ITGAE: variants seen among roughly 807,000 people sequenced by gnomAD.
ITGAE encodes the protein integrin subunit alpha E.
Under a neutral mutation model 136.5 loss-of-function variants are expected in ITGAE, and 99 were observed. The observed-to-expected ratio is 0.73, with a 90% CI of 0.62 to 0.86. The LOEUF is 0.86. ITGAE is among the 40% of genes least tolerant of loss of function. The pLI is 0.00. For synonymous variants in ITGAE, 613 were observed against 591.8 expected (o/e 1.04, Z -0.52); for missense variants, 1,447 against 1,515.3 (o/e 0.95, Z 0.75).
At chr17:3,723,850 G>C in intron 26 of ITGAE, 106 bp from the exon 27 acceptor site, 1 of 1,525,998 alleles carries the variant, frequency 6.6e-7, no homozygotes, top group Non-Finnish European at 8.8e-7. Flanking sequence ...AGGGCCGGGA[G>C]CTAGGACCCC....
In ITGAE at chr17:3,732,366, A is replaced by T; in HGVS notation, c.2754+2T>A. Reference sequence around the variant, plus strand: ...AGAGCGAATCAGTCCAAACCGACTCACAGATGACCTCTTGAGGACGGGGTG... The same window carrying T: ...AGAGCGAATCAGTCCAAACCGACTCTCAGATGACCTCTTGAGGACGGGGTG... On this transcript the variant is annotated splice_donor_variant, in intron 22 of 30. Coordinates refer to ENST00000263087, the MANE Select transcript of ITGAE (RefSeq NM_002208.5). LOFTEE classifies it high-confidence loss of function. 6.2e-7 allele frequency: 1 copy of T among 1,612,014 alleles called. No individual in the cohort carries two copies. Among genetic ancestry groups the T allele is most frequent in the Non-Finnish European group, 8.5e-7 (1 of 1,178,086 alleles).
chr17:3,765,769 G>A (rs947160504), intron 2 of ITGAE, among the ~76,000 whole-genome samples: 12 of 152,056 alleles, frequency 7.9e-5, no homozygotes, highest in African/African-American at 2.7e-4. Flanking sequence ...TCAAGGCTTC[G>A]CTGGTGCCTT....
chr17:3,716,265 A>G (rs2050942330), intron 30 of ITGAE, among the ~76,000 whole-genome samples: 1 of 124,898 alleles, frequency 8.0e-6, no homozygotes, highest in South Asian at 3.4e-4. Context: ...GAGTTTGCAC[A>G]TTAAGACAGG....
intron 8 of ITGAE, among the ~76,000 whole-genome samples, chr17:3,759,030 C>G (rs1417321548): frequency 6.6e-6 from 1 of 150,702 alleles, no homozygotes; most frequent in South Asian, 2.1e-4. Context: ...GAGGCTGAGG[C>G]AGGAGAATGG....
intron 1 of ITGAE, among the ~76,000 whole-genome samples, chr17:3,793,681 T>TGGGACTACAGGCACATGCC (rs1312099855): frequency 6.6e-6 from 1 of 152,200 alleles, no homozygotes; most frequent in African/African-American, 2.4e-5. Flanking sequence ...CTGGAGTAGC[T>TGGGACTACAGGCACATGCC]GGGACTACAG....
At chr17:3,723,979 C>T (rs924639399) in intron 26 of ITGAE, 3 of 1,592,166 alleles carry the variant, frequency 1.9e-6, no homozygotes, top group African/African-American at 1.3e-5. Context: ...CTTTTCCGCA[C>T]ATATGGGGCT....
At chr17:3,782,189 C>T (rs1056866060) in intron 1 of ITGAE, among the ~76,000 whole-genome samples, 6 of 145,162 alleles carry the variant, frequency 4.1e-5, no homozygotes, top group Admixed American at 7.3e-5. Context: ...AAGGGAGAAT[C>T]GCTTGAACCT....
rs1418832798 is a variant in ITGAE, at chr17:3,761,143, A to T, written c.468T>A (p.Thr156=). 1.2e-6 allele frequency: 2 copies of T among 1,613,074 alleles called. No individual in the cohort carries two copies. The highest frequency in any genetic ancestry group is 1.7e-5 in the Admixed American group (1 of 59,914). The change falls in exon 6 of 31, where the codon ACT becomes ACA. Residue 156 remains threonine, a synonymous_variant. Coordinates refer to ENST00000263087, the MANE Select transcript of ITGAE (RefSeq NM_002208.5). ...NLLDPDARVD[T]GDCYSNKEGG... is the part of the protein sequence containing the mutation. ...CTTCTTTGTTGCTGTAGCAGTCTCC[A>T]GTGTCCACACGTGCATCTGGATCCA... is the stretch of plus-strand genomic sequence containing the variant.
intron 26 of ITGAE, chr17:3,724,985 C>G (rs377252855): frequency 6.2e-7 from 1 of 1,614,144 alleles, no homozygotes; most frequent in African/African-American, 1.3e-5. Flanking sequence ...AAACCTCTCT[C>G]CTCCATTCCC....
intron 15 of ITGAE, among the ~76,000 whole-genome samples, 178 bp from the exon 16 acceptor site, chr17:3,750,660 C>A (rs905204858): frequency 9.2e-5 from 14 of 152,048 alleles, no homozygotes; most frequent in Middle Eastern, 3.2e-3. Context: ...TTGGATGGAG[C>A]CTCGAAGGGC....
At chr17:3,750,571 G>T (rs768374371) in intron 15 of ITGAE, 89 bp from the exon 16 acceptor site, 266 of 1,483,500 alleles carry the variant, frequency 1.8e-4, no homozygotes, top group Non-Finnish European at 2.3e-4. Flanking sequence ...GATCAGCATC[G>T]CAGGCACCAT....
At chr17:3,733,281 G>C (rs1183152) in intron 21 of ITGAE, among the ~76,000 whole-genome samples, 1 of 151,838 alleles carries the variant, frequency 6.6e-6, no homozygotes, top group African/African-American at 2.4e-5. Flanking sequence ...CACGGTGCCC[G>C]GCCTAGGAGA....
intron 29 of ITGAE, chr17:3,718,042 T>A (rs895549227): frequency 1.3e-5 from 2 of 152,236 alleles, no homozygotes; most frequent in Non-Finnish European, 2.9e-5. Context: ...GCCCCAAAGA[T>A]GCCCAAGTAG....
At position 3,759,503 on chromosome 17, in the gene ITGAE, G is replaced by C; in HGVS notation, c.765C>G (p.Asp255Glu). ...QYGGVIQTEFDLRDSQDVMAS... is the reference protein window; with the variant it reads ...QYGGVIQTEFELRDSQDVMAS... Reference sequence around the variant, plus strand: ...CCATCACATCCTGGCTGTCCCGAAGGTCAAACTCAGTCTGGATCACTCCTC... The same window carrying C: ...CCATCACATCCTGGCTGTCCCGAAGCTCAAACTCAGTCTGGATCACTCCTC... The change falls in exon 8 of 31, where the codon GAC becomes GAG. Residue 255 changes from aspartate to glutamate, a missense_variant. By Grantham distance (45) the Asp-to-Glu change is conservative (BLOSUM62 2). This residue lies in a region of ITGAE where 310 missense variants were observed against 416.1 expected (regional missense o/e 0.74). Transcript: ENST00000263087. The C allele has an allele frequency of 1.2e-6, 2 of 1,614,210 alleles. No individual in the cohort carries two copies. Among genetic ancestry groups the C allele is most frequent in the Non-Finnish European group, 1.7e-6 (2 of 1,180,030 alleles).
chr17:3,718,619 C>G (rs907315216), intron 29 of ITGAE, among the ~76,000 whole-genome samples: 7 of 152,200 alleles, frequency 4.6e-5, no homozygotes, highest in African/African-American at 1.7e-4. Flanking sequence ...CTACTTAACA[C>G]TTTGCTTAGG....
chr17:3,751,964 G>C, intron 14 of ITGAE, 90 bp from the exon 15 acceptor site: 2 of 1,146,036 alleles, frequency 1.7e-6, no homozygotes, highest in Non-Finnish European at 2.6e-6. Flanking sequence ...TGGGCCGGTG[G>C]GTGCCCACTC....
intron 8 of ITGAE, among the ~76,000 whole-genome samples, chr17:3,759,161 T>A (rs574819408): frequency 6.6e-6 from 1 of 150,398 alleles, no homozygotes; most frequent in Admixed American, 6.6e-5. Flanking sequence ...AGAGCTGAGA[T>A]TTGAACCCAG....
chr17:3,759,340 A>G lies in ITGAE; in HGVS notation c.866+62T>C, dbSNP rs1370906083. On this transcript the variant is annotated intron_variant, in intron 8 of 30. Transcript: ENST00000263087. ...GCGGTTCTGGCCAGCCACTTCCTCCATGAGTGATGCCACAGAGACTCTGGG... is the reference window on the plus strand; with the variant it reads ...GCGGTTCTGGCCAGCCACTTCCTCCGTGAGTGATGCCACAGAGACTCTGGG... The G allele has an allele frequency of 3.2e-6, 5 of 1,579,082 alleles. No individual in the cohort carries two copies. In the Admixed American group the frequency reaches 5.0e-5, roughly 16 times the overall value.
At chr17:3,790,462 G>A (rs576466139) in intron 1 of ITGAE, among the ~76,000 whole-genome samples, 8 of 151,850 alleles carry the variant, frequency 5.3e-5, no homozygotes, top group East Asian at 3.9e-4. Context: ...AGCCGAGATC[G>A]CACCACTGCA....
Sources: allele counts gnomAD v4.1 joint callset (sites outside exome capture counted in the v4.1 genomes callset), GRCh38; gene constraint gnomAD v4.1.1; regional missense constraint gnomAD v4.1.1; transcripts MANE v1.5; gene names NCBI Gene and HGNC (gene_info 2026-07-23, HGNC 2026-07-21).